CD1A: variants seen among roughly 807,000 people sequenced by gnomAD.
CD1A encodes the protein CD1a molecule.
Under a neutral mutation model 38.3 loss-of-function variants are expected in CD1A, and 50 were observed. That is an observed-to-expected ratio of 1.30 (90% CI 1.04 to 1.65). CD1A has a LOEUF of 1.65. CD1A is among the 40% of genes most tolerant of loss of function. CD1A has a pLI of 0.00. For synonymous variants in CD1A, 160 were observed against 150.8 expected (o/e 1.06, Z -0.45); for missense variants, 459 against 406.1 (o/e 1.13, Z -1.12).
At chr1:158,248,388 T>G in the CD1A span, 1 of 985,328 alleles carries the variant, frequency 1.0e-6, no homozygotes, top group East Asian at 1.1e-4. Flanking sequence ...TTAGGAGCCA[T>G]GTTTGCGTTT....
upstream of CD1A, among the ~76,000 whole-genome samples, chr1:158,252,649 G>A (rs1263552499): frequency 6.7e-6 from 1 of 150,066 alleles, no homozygotes; most frequent in Non-Finnish European, 1.5e-5. Context: ...AAAATTATCT[G>A]TAATCCCAGC....
At chr1:158,248,770 C>T in the CD1A span, among the ~76,000 whole-genome samples, 4 of 152,112 alleles carry the variant, frequency 2.6e-5, no homozygotes, top group East Asian at 7.7e-4. Context: ...TTCTCAGCAC[C>T]CCCAGCCAGC....
At chr1:158,251,013 A>T (rs548553514), upstream of CD1A, among the ~76,000 whole-genome samples, 6 of 152,348 alleles carry the variant, frequency 3.9e-5, no homozygotes, top group African/African-American at 1.2e-4. Context: ...GACTTTTCCA[A>T]ATCTTAACTA....
intron 2 of CD1A, 103 bp from the exon 3 acceptor site, chr1:158,255,901 T>C (rs1650241481): frequency 1.7e-6 from 2 of 1,177,392 alleles, no homozygotes; most frequent in South Asian, 3.1e-5. Flanking sequence ...TATTCCATTA[T>C]GTCAAACCCT....
chr1:158,256,553 C>T (rs184149143), intron 3 of CD1A, among the ~76,000 whole-genome samples: 1 of 152,022 alleles, frequency 6.6e-6, no homozygotes, highest in East Asian at 1.9e-4. Context: ...ACCTGTAGTC[C>T]CAGTTACTTA....
At chr1:158,254,785 CTGTGTGTGTGTG>C (rs55696033) in intron 1 of CD1A, 58 bp downstream of exon 1, 29,829 of 679,578 alleles carry the variant, frequency 0.044, 659 homozygotes, top group African/African-American at 0.049. Context: ...CTCTCTCTCT[CTGTGTGTGTGTG>C]TGTGTGTGTG....
At chr1:158,255,808 T>G (rs938697784) in intron 2 of CD1A, among the ~76,000 whole-genome samples, 196 bp from the exon 3 acceptor site, 2 of 152,190 alleles carry the variant, frequency 1.3e-5, no homozygotes, top group African/African-American at 4.8e-5. Flanking sequence ...CAGTTTGCCC[T>G]CTTCCTCATG....
At position 158,255,133 on chromosome 1, in the gene CD1A, C is replaced by T. The variant is rs958942210; in HGVS notation, c.108C>T (p.Tyr36=). The T allele has an allele frequency of 6.2e-7, 1 of 1,614,116 alleles. No individual in the cohort carries two copies. Among genetic ancestry groups the T allele is most frequent in the Non-Finnish European group, 8.5e-7 (1 of 1,180,008 alleles). ...SFHVTWIASF[Y]NHSWKQNLVS... is the part of the protein sequence containing the mutation. The stretch of plus-strand genomic sequence containing the variant: ...ATGTCACCTGGATCGCATCCTTTTA[C>T]AACCATTCCTGGAAACAAAATCTGG... Residue 36 remains tyrosine, a synonymous_variant, in exon 2 of 6, where the codon TAC becomes TAT. Transcript: ENST00000289429.
Position 158,257,756 on chromosome 1 carries a change from C to T in CD1A, c.*66C>T. The T allele has an allele frequency of 5.8e-6, 8 of 1,374,562 alleles. No homozygotes were observed. The highest frequency in any genetic ancestry group is 7.3e-6 in the Non-Finnish European group (7 of 961,472). 85.1% of individuals were successfully genotyped at this position (1,374,562 alleles called of 1,614,324 possible). A position where few individuals can be genotyped will look rare whatever the true frequency, so the allele number is the denominator to read the frequency against. Reference sequence around the variant, plus strand: ...GTGAGAGACCAGCAGCCCAAGGGCTCCAGACACACCTGAACACATCGTGAT... The same window carrying T: ...GTGAGAGACCAGCAGCCCAAGGGCTTCAGACACACCTGAACACATCGTGAT... On this transcript the variant is annotated 3_prime_UTR_variant, in exon 6 of 6. Coordinates refer to ENST00000289429, the MANE Select transcript of CD1A (RefSeq NM_001763.3).
chr1:158,250,129 G>T (rs548468935), upstream of CD1A, among the ~76,000 whole-genome samples: 1 of 152,354 alleles, frequency 6.6e-6, no homozygotes, highest in South Asian at 2.1e-4. Context: ...CAAGGGAATT[G>T]TGAAAGGTGA....
upstream of CD1A, among the ~76,000 whole-genome samples, chr1:158,249,759 A>G (rs752687928): frequency 1.3e-5 from 2 of 152,310 alleles, no homozygotes; most frequent in African/African-American, 2.4e-5. Context: ...CCTTGGGCAC[A>G]GGGATACTCA....
At chr1:158,251,421 C>G (rs955418220), upstream of CD1A, among the ~76,000 whole-genome samples, 2 of 152,180 alleles carry the variant, frequency 1.3e-5, no homozygotes, top group Admixed American at 6.5e-5. Context: ...CTGCAATAGT[C>G]TTCAAGTTCC....
Position 158,254,746 on chromosome 1 carries a change from G to A in CD1A, c.58+19G>A. On this transcript the variant is annotated intron_variant, in intron 1 of 5. Coordinates refer to ENST00000289429, the MANE Select transcript of CD1A (RefSeq NM_001763.3). ...GCAGACGGTAAGAACTCTGACAACT[G>A]CCCAGTTGGGTGGTGGGTGAAGGTC... 1 of 1,556,834 alleles carries A rather than the reference G, an allele frequency of 6.4e-7. No individual in the cohort carries two copies. The highest frequency in any genetic ancestry group is 8.9e-7 in the Non-Finnish European group (1 of 1,128,320).
intron 2 of CD1A, 94 bp from the exon 3 acceptor site, chr1:158,255,910 C>T: frequency 7.8e-7 from 1 of 1,280,618 alleles, no homozygotes. Context: ...ATGTCAAACC[C>T]TGCACACTTC....
upstream of CD1A, among the ~76,000 whole-genome samples, chr1:158,252,828 G>A (rs1372294586): frequency 3.9e-5 from 6 of 152,166 alleles, no homozygotes; most frequent in African/African-American, 1.4e-4. Context: ...AACCTGGGAG[G>A]CAGAGGTTGC....
chr1:158,257,436 T>A lies in CD1A; in HGVS notation c.899T>A (p.Val300Glu). ...AAATTCACAGAGCATCACAGTTCCG[T>A]GGGCTTCATCATCTTGGCGGTGATA... is the stretch of plus-strand genomic sequence containing the variant. ...IVLYWEHHSS[V>E]GFIILAVIVP... Residue 300 changes from valine (V) to glutamate (E), a missense_variant, in exon 5 of 6, where the codon GTG (valine) becomes GAG (glutamate). By Grantham distance (121) the Val-to-Glu change is moderately radical. Transcript: ENST00000289429. The A allele has an allele frequency of 6.2e-7, 1 of 1,613,984 alleles. No homozygotes were observed.
At chr1:158,252,683 G>T (rs1650119900), upstream of CD1A, among the ~76,000 whole-genome samples, 1 of 152,094 alleles carries the variant, frequency 6.6e-6, no homozygotes, top group Admixed American at 6.5e-5. Context: ...GAGGCAGGTG[G>T]ATCATCTGAG....
chr1:158,254,854 G>A, intron 1 of CD1A, 127 bp downstream of exon 1: 1 of 910,922 alleles, frequency 1.1e-6, no homozygotes, highest in East Asian at 2.4e-5. Context: ...CATATACCTG[G>A]AAAGTGAGAG....
upstream of CD1A, among the ~76,000 whole-genome samples, chr1:158,249,807 G>C (rs554760271): frequency 1.3e-5 from 2 of 152,170 alleles, no homozygotes; most frequent in Non-Finnish European, 2.9e-5. Context: ...CCTGGGGGCC[G>C]CACTCCATGA....
Sources: gnomAD v4.1 joint callset for allele counts (sites outside exome capture counted in the v4.1 genomes callset) on GRCh38, gnomAD v4.1.1 for gene constraint, MANE v1.5 for transcripts, NCBI Gene and HGNC (gene_info 2026-07-23, HGNC 2026-07-21) for gene names.